DNAAF6: variants seen among roughly 807,000 people sequenced by gnomAD.
DNAAF6 encodes the protein dynein axonemal assembly factor 6.
DNAAF6 carries 3 observed loss-of-function variants against 13.7 expected under a neutral mutation model. The observed-to-expected ratio is 0.22, with a 90% CI of 0.10 to 0.56. DNAAF6 has a LOEUF of 0.56. Among genes scored for constraint, DNAAF6 ranks in the 20% least tolerant of loss-of-function variants. The probability of loss-of-function intolerance (pLI) is 0.92; values close to 1 mark genes in which losing one functional copy is unlikely to be tolerated. For synonymous variants in DNAAF6, 54 were observed against 49.2 expected, an observed-to-expected ratio of 1.10 and a Z score of -0.41; for missense variants, 130 against 151.0, an observed-to-expected ratio of 0.86 and a Z score of 0.73.
At chrX:107,243,042 C>T in intron 6 of DNAAF6, 127 bp from the exon 7 acceptor site, 2 of 707,032 alleles carry the variant, frequency 2.8e-6, no homozygotes, top group Non-Finnish European at 4.1e-6. Flanking sequence ...CCAATATTTA[C>T]ACTATCTAAA....
chrX:107,215,567 G>A (rs907540640), intron 2 of DNAAF6, among the ~76,000 whole-genome samples: 1 of 112,013 alleles, frequency 8.9e-6, no homozygotes, highest in South Asian at 3.8e-4. Flanking sequence ...AATAGTTACT[G>A]TCTCAGACAC....
At chrX:107,207,496 GA>G (rs1472179812) in intron 1 of DNAAF6, 2 of 111,674 alleles carry the variant, frequency 1.8e-5, no homozygotes, top group African/African-American at 6.5e-5. Flanking sequence ...AAATCTGAGT[GA>G]AGGGAGAGAA....
chrX:107,216,679 T>C lies in DNAAF6; in HGVS notation c.162T>C (p.Gly54=), dbSNP rs747740163. ...EDDSDYGQTN[G]LSTIGAMGPG... is the part of the protein sequence containing the mutation. ...TTTTTCTCCTCCCTCAGACAAATGG[T>C]TTATCTACTATTGGAGCCATGGGTC... Residue 54 remains glycine, a synonymous_variant, in exon 3 of 7, where the codon GGT becomes GGC. Transcript: ENST00000372453. 2.5e-6 allele frequency: 3 copies of C among 1,195,311 alleles called. No homozygotes were observed. The highest frequency in any genetic ancestry group is 3.4e-6 in the Non-Finnish European group (3 of 884,716).
intron 5 of DNAAF6, among the ~76,000 whole-genome samples, chrX:107,226,813 A>G (rs1273030593): frequency 1.8e-5 from 2 of 111,306 alleles, no homozygotes; most frequent in Admixed American, 1.9e-4. Flanking sequence ...ACAAGCCACT[A>G]AGCCTATTTT....
In DNAAF6 at chrX:107,243,276, T is replaced by C; in HGVS notation, c.623T>C (p.Leu208Ser). 8.3e-7 allele frequency: 1 copy of C among 1,203,066 alleles called. No homozygotes were observed. The highest frequency in any genetic ancestry group is 1.1e-6 in the Non-Finnish European group (1 of 892,751). Residue 208 changes from leucine (L) to serine (S), a missense_variant, in exon 7 of 7, where the codon TTA (leucine) becomes TCA (serine). Leu to Ser is a moderately radical substitution (Grantham distance 145, BLOSUM62 -2). Coordinates refer to ENST00000372453, the MANE Select transcript of DNAAF6 (RefSeq NM_173494.2). ...LEITMTMKRE[L>S]DIANFF ...ATCACTATGACTATGAAAAGAGAGTTAGATATTGCTAATTTCTTCTGAAAC... is the reference window on the plus strand; with the variant it reads ...ATCACTATGACTATGAAAAGAGAGTCAGATATTGCTAATTTCTTCTGAAAC...
At chrX:107,226,700 T>C (rs752204864) in intron 5 of DNAAF6, among the ~76,000 whole-genome samples, 1 of 112,047 alleles carries the variant, frequency 8.9e-6, no homozygotes, top group South Asian at 3.7e-4. Flanking sequence ...AAAGGCAGCT[T>C]GCAGATAGCT....
rs146721825 is a variant in DNAAF6 at position 107,223,750 on chromosome X, T to G, written c.429+909T>G. On this transcript the variant is annotated intron_variant, in intron 5 of 6. Transcript: ENST00000372453. The stretch of plus-strand genomic sequence containing the variant: ...TGCATGAACTTCAGGTTTTCTCTTA[T>G]TAGCAAAATCTAAGACATTCAATTC... Among the ~76,000 whole-genome samples, 731 of 111,513 alleles carry G rather than the reference T, an allele frequency of 6.6e-3. 6 individuals are homozygous for G. The highest frequency in any genetic ancestry group is 0.022 in the African/African-American group (686 of 30,801).
intron 4 of DNAAF6, among the ~76,000 whole-genome samples, chrX:107,220,784 A>G (rs1928105625): frequency 9.0e-6 from 1 of 111,661 alleles, no homozygotes; most frequent in Admixed American, 9.5e-5. Flanking sequence ...GGAGAGCGTC[A>G]AAGATGATGC....
chrX:107,231,391 A>T (rs1470968754), intron 5 of DNAAF6, among the ~76,000 whole-genome samples: 1 of 111,870 alleles, frequency 8.9e-6, no homozygotes, highest in Middle Eastern at 4.2e-3. Context: ...TCTCACTTTA[A>T]TTGGAATGGT....
In DNAAF6 at chrX:107,216,255, T is replaced by C. The variant is rs900522570; in HGVS notation, c.154-416T>C. Reference sequence around the variant, plus strand: ...TCTGCTTAGTGTTAGTTTTTATTTCTATAAAACTTTCACATACTCTGTCCT... The same window carrying C: ...TCTGCTTAGTGTTAGTTTTTATTTCCATAAAACTTTCACATACTCTGTCCT... On this transcript the variant is annotated intron_variant, in intron 2 of 6. Transcript: ENST00000372453. Among the ~76,000 whole-genome samples, 3 of 111,774 alleles carry C rather than the reference T, an allele frequency of 2.7e-5. No individual in the cohort carries two copies. The Admixed American group carries it at 2.9e-4, about 11-fold the overall frequency.
At chrX:107,223,693 T>C (rs5962388) in intron 5 of DNAAF6, among the ~76,000 whole-genome samples, 33,993 of 110,601 alleles carry the variant, frequency 0.31, 5,014 homozygotes, top group African/African-American at 0.56. Flanking sequence ...AATATTTTTT[T>C]CTTAAGCAAA....
chrX:107,215,988 G>A (rs1214751668), intron 2 of DNAAF6, among the ~76,000 whole-genome samples: 1 of 111,727 alleles, frequency 9.0e-6, no homozygotes, highest in Non-Finnish European at 1.9e-5. Flanking sequence ...TGGTGAGTCA[G>A]GGCAAGTCCT....
intron 4 of DNAAF6, among the ~76,000 whole-genome samples, chrX:107,220,943 C>CTT (rs1491035484): frequency 2.1e-5 from 1 of 48,563 alleles, no homozygotes; most frequent in African/African-American, 6.8e-5. Flanking sequence ...TTCTTTCTTT[C>CTT]TTTCTTTCTT....
chrX:107,220,080 T>A (rs984052924), intron 4 of DNAAF6, among the ~76,000 whole-genome samples: 2 of 112,003 alleles, frequency 1.8e-5, no homozygotes, highest in Admixed American at 1.9e-4. Context: ...ATTACAGGCA[T>A]GAGCCACTGC....
chrX:107,226,405 C>A (rs763239067), intron 5 of DNAAF6, among the ~76,000 whole-genome samples: 1 of 111,893 alleles, frequency 8.9e-6, no homozygotes, highest in East Asian at 2.8e-4. Flanking sequence ...AAAGTAATTG[C>A]AGTTTTGCTA....
At position 107,213,189 on chromosome X, in the gene DNAAF6, T is replaced by C. The variant is rs139945707; in HGVS notation, c.153+161T>C. Among the ~76,000 whole-genome samples, 725 of 112,133 alleles carry C rather than the reference T, an allele frequency of 6.5e-3. 6 individuals are homozygous for C. The highest frequency in any genetic ancestry group is 0.022 in the African/African-American group (690 of 30,938). ...TTATGCATGACAATGTAACCTGTAG[T>C]ACATTTCTAGCAAAGATAATTATAT... On this transcript the variant is annotated intron_variant, in intron 2 of 6. Transcript: ENST00000372453.
rs151010999 is a variant in DNAAF6, at chrX:107,212,977, C to G, written c.102C>G (p.Ala34=). Residue 34 remains alanine (A), a synonymous_variant, in exon 2 of 7, where the codon GCC becomes GCG. Transcript: ENST00000372453. The stretch of plus-strand genomic sequence containing the variant: ...TTTCTTCAGTTACAGCTCTGGAAGC[C>G]CTCTCTAAGCTACTTAATCCTGAAG... The part of the protein sequence containing the change: ...ESVSSVTALE[A]LSKLLNPEEE... 246 of 1,204,335 alleles carry G rather than the reference C, an allele frequency of 2.0e-4. 1 individual carries two copies. Among genetic ancestry groups the G allele is most frequent in the Non-Finnish European group, 9.6e-5 (86 of 892,847 alleles).
At chrX:107,239,290 G>C (rs964864926) in intron 6 of DNAAF6, among the ~76,000 whole-genome samples, 2 of 111,811 alleles carry the variant, frequency 1.8e-5, no homozygotes, top group African/African-American at 3.2e-5. Context: ...AAAATAACTA[G>C]AAGTGAAAAT....
At chrX:107,238,825 C>CA (rs1928571210) in intron 5 of DNAAF6, 97 bp from the exon 6 acceptor site, 1 of 1,127,926 alleles carries the variant, frequency 8.9e-7, no homozygotes, top group Non-Finnish European at 1.2e-6. Context: ...ACATAGTTGA[C>CA]AATAAATATT....
Sources: gnomAD v4.1 joint callset for allele counts (sites outside exome capture counted in the v4.1 genomes callset) on GRCh38, gnomAD v4.1.1 for gene constraint, MANE v1.5 for transcripts, NCBI Gene and HGNC (gene_info 2026-07-23, HGNC 2026-07-21) for gene names.